SLC25A13: variants seen among roughly 807,000 people sequenced by gnomAD.
The protein encoded by SLC25A13 is electrogenic aspartate/glutamate antiporter SLC25A13, mitochondrial.
In SLC25A13, 70 loss-of-function variants were observed where a neutral mutation model predicts 85.5. The observed-to-expected ratio is 0.82, with a 90% confidence interval of 0.68 to 1.00. SLC25A13 has a LOEUF of 1.00. Ranked by LOEUF, SLC25A13 falls within the 50% of genes least tolerant of loss-of-function variation. The pLI, the probability that SLC25A13 is intolerant of heterozygous loss-of-function variation, is 0.00. For missense variants in SLC25A13, 765 were observed against 819.8 expected, an observed-to-expected ratio of 0.93 and a Z score of 0.82; for synonymous variants, 259 against 288.7, an observed-to-expected ratio of 0.90 and a Z score of 1.04.
chr7:96,275,548 T>C (rs561302858), intron 3 of SLC25A13, among the ~76,000 whole-genome samples: 3 of 152,320 alleles, frequency 2.0e-5, no homozygotes, highest in East Asian at 3.9e-4. Context: ...TGGAATACTA[T>C]GCAGCCATAA....
chr7:96,248,452 T>C (rs1207812134), intron 3 of SLC25A13, among the ~76,000 whole-genome samples: 1 of 152,192 alleles, frequency 6.6e-6, no homozygotes, highest in Non-Finnish European at 1.5e-5. Flanking sequence ...TTCTTGGTTA[T>C]GGGGAATGAG....
intron 15 of SLC25A13, among the ~76,000 whole-genome samples, chr7:96,126,088 G>C (rs995263358): frequency 6.6e-6 from 1 of 152,062 alleles, no homozygotes; most frequent in Non-Finnish European, 1.5e-5. Context: ...AGGCTGATTA[G>C]TATTATATAC....
At chr7:96,266,462 C>T (rs1223114622) in intron 3 of SLC25A13, among the ~76,000 whole-genome samples, 2 of 152,118 alleles carry the variant, frequency 1.3e-5, no homozygotes, top group East Asian at 3.9e-4. Flanking sequence ...TATTTCTCAC[C>T]TTTCCTTTTC....
At chr7:96,317,086 T>C (rs1800155157) in intron 1 of SLC25A13, among the ~76,000 whole-genome samples, 1 of 152,130 alleles carries the variant, frequency 6.6e-6, no homozygotes, top group Non-Finnish European at 1.5e-5. Context: ...TTCCCCTACC[T>C]CAGCCTCCCG....
rs1291268740 is a variant in SLC25A13 at position 96,120,472 on chromosome 7, G to T, written c.*719C>A. 2.2e-6 allele frequency: 1 copy of T among 454,462 alleles called. No individual in the cohort carries two copies. The highest frequency in any genetic ancestry group is 2.3e-5 in the Admixed American group (1 of 42,558). The allele number at this position is 454,462 out of a possible 1,614,324, so 28.2% of individuals were successfully genotyped here. ...TAATCAGTACATGTACATCATATGA[G>T]CAGTTTTTCAAAATTAGCACTTCCA... is the stretch of plus-strand genomic sequence containing the variant. On this transcript the variant is annotated 3_prime_UTR_variant, in exon 18 of 18. Transcript: ENST00000265631.
intron 1 of SLC25A13, among the ~76,000 whole-genome samples, chr7:96,307,134 G>T (rs1185602097): frequency 3.2e-5 from 3 of 93,336 alleles, no homozygotes; most frequent in Non-Finnish European, 4.9e-5. Context: ...AGGTAGCTTT[G>T]TAATTTAAAA....
At chr7:96,191,065 A>T (rs1428063026) in intron 7 of SLC25A13, 44 bp downstream of exon 7, 1 of 1,611,964 alleles carries the variant, frequency 6.2e-7, no homozygotes, top group East Asian at 2.2e-5. Context: ...ATAATAATAC[A>T]CCACAATACT....
chr7:96,255,537 T>A (rs1053929952), intron 3 of SLC25A13, among the ~76,000 whole-genome samples: 1 of 151,938 alleles, frequency 6.6e-6, no homozygotes, highest in African/African-American at 2.4e-5. Context: ...AATTTAAAAA[T>A]TTAGCCAGCC....
At chr7:96,266,750 C>A (rs1009428809) in intron 3 of SLC25A13, among the ~76,000 whole-genome samples, 2 of 152,128 alleles carry the variant, frequency 1.3e-5, no homozygotes, top group African/African-American at 4.8e-5. Flanking sequence ...CCCTCCCCTG[C>A]CCCATGATTT....
intron 2 of SLC25A13, among the ~76,000 whole-genome samples, chr7:96,290,019 G>A (rs1042436124): frequency 5.3e-5 from 8 of 152,090 alleles, no homozygotes; most frequent in African/African-American, 1.2e-4. Context: ...GAGAAAGGTC[G>A]GGTTACCCAC....
intron 4 of SLC25A13, among the ~76,000 whole-genome samples, chr7:96,219,124 G>A (rs998493474): frequency 1.3e-5 from 2 of 152,188 alleles, no homozygotes; most frequent in Non-Finnish European, 2.9e-5. Context: ...GAAGAGGAAA[G>A]ACGTATTCTG....
chr7:96,141,019 C>CTTTTT (rs11433644), intron 14 of SLC25A13, among the ~76,000 whole-genome samples: 4 of 124,666 alleles, frequency 3.2e-5, no homozygotes, highest in Admixed American at 8.5e-5. Flanking sequence ...TTTTTTCTTT[C>CTTTTT]TTTTTTTTTT....
chr7:96,201,772 T>C (rs1171378943), intron 5 of SLC25A13, among the ~76,000 whole-genome samples: 1 of 152,206 alleles, frequency 6.6e-6, no homozygotes, highest in African/African-American at 2.4e-5. Context: ...AGGTATGTTT[T>C]GTTTGGTGGT....
intron 11 of SLC25A13, among the ~76,000 whole-genome samples, chr7:96,177,585 C>T (rs1794271971): frequency 6.6e-6 from 1 of 152,170 alleles, no homozygotes. Flanking sequence ...TGGGAATAAT[C>T]ATGATGCCAT....
At chr7:96,173,655 T>C (rs567502956) in intron 11 of SLC25A13, among the ~76,000 whole-genome samples, 107 of 152,298 alleles carry the variant, frequency 7.0e-4, no homozygotes, top group African/African-American at 2.4e-3. Context: ...CCTCAAGCAA[T>C]CCTCCTGCCT....
chr7:96,124,265 CT>C (rs1204561800), intron 15 of SLC25A13, among the ~76,000 whole-genome samples: 1 of 152,166 alleles, frequency 6.6e-6, no homozygotes, highest in Non-Finnish European at 1.5e-5. Flanking sequence ...AAGTGCTTTT[CT>C]TTTTATTGAA....
intron 4 of SLC25A13, among the ~76,000 whole-genome samples, chr7:96,224,483 T>C (rs1418222414): frequency 6.6e-6 from 1 of 152,136 alleles, no homozygotes; most frequent in Admixed American, 6.5e-5. Context: ...TTCCCCTCTA[T>C]CCTCAACCTG....
chr7:96,291,219 CT>C (rs1395522599), intron 2 of SLC25A13, among the ~76,000 whole-genome samples: 9 of 152,116 alleles, frequency 5.9e-5, no homozygotes, highest in African/African-American at 2.2e-4. Context: ...TAAAGACGTT[CT>C]TTGAAACCAA....
chr7:96,137,071 T>C (rs1417486497), intron 14 of SLC25A13, among the ~76,000 whole-genome samples: 5 of 152,186 alleles, frequency 3.3e-5, no homozygotes, highest in African/African-American at 1.2e-4. Context: ...AGCATTCCTC[T>C]TGGCTTCCCC....
Sources: gnomAD v4.1 joint callset for allele counts (sites outside exome capture counted in the v4.1 genomes callset) on GRCh38, gnomAD v4.1.1 for gene constraint, MANE v1.5 for transcripts, NCBI Gene and HGNC (gene_info 2026-07-23, HGNC 2026-07-21) for gene names.